XRCC4: variants seen among roughly 807,000 people sequenced by gnomAD.
The protein encoded by XRCC4 is DNA repair protein XRCC4.
In XRCC4, 28 loss-of-function variants were observed where a neutral mutation model predicts 39.1. The observed-to-expected ratio is 0.72, with a 90% CI of 0.53 to 0.98. The LOEUF is 0.98. XRCC4 is among the 50% of genes least tolerant of loss of function. XRCC4 has a pLI of 0.00. For synonymous variants in XRCC4, 123 were observed against 126.4 expected, an observed-to-expected ratio of 0.97 and a Z score of 0.18; for missense variants, 350 against 376.4, an observed-to-expected ratio of 0.93 and a Z score of 0.58.
the XRCC4 span, among the ~76,000 whole-genome samples, chr5:83,360,688 T>C: frequency 6.6e-6 from 1 of 152,160 alleles, no homozygotes; most frequent in Non-Finnish European, 1.5e-5. Flanking sequence ...CCTGGGCTTC[T>C]GAAGAGTTAC....
At chr5:83,256,362 C>G (rs185910259) in intron 6 of XRCC4, among the ~76,000 whole-genome samples, 1 of 152,274 alleles carries the variant, frequency 6.6e-6, no homozygotes, top group Non-Finnish European at 1.5e-5. Context: ...ATTTGTAAGA[C>G]ATCATTTGGA....
intron 1 of XRCC4, among the ~76,000 whole-genome samples, chr5:83,078,692 T>G (rs1276316982): frequency 2.0e-5 from 3 of 152,248 alleles, no homozygotes; most frequent in African/African-American, 7.2e-5. Context: ...GTTGGTCAAA[T>G]ACACAAATTA....
chr5:83,223,560 G>A (rs1752170032), intron 6 of XRCC4, among the ~76,000 whole-genome samples: 2 of 149,968 alleles, frequency 1.3e-5, no homozygotes, highest in South Asian at 4.2e-4. Flanking sequence ...CCTGGTTTTG[G>A]TCACCATTTG....
intron 7 of XRCC4, among the ~76,000 whole-genome samples, chr5:83,337,740 C>A (rs1281583780): frequency 6.6e-6 from 1 of 152,154 alleles, no homozygotes; most frequent in African/African-American, 2.4e-5. Context: ...TTATTTTATG[C>A]CACTAAGTTT....
chr5:83,204,415 C>T (rs568075477), intron 5 of XRCC4, among the ~76,000 whole-genome samples: 67 of 152,128 alleles, frequency 4.4e-4, no homozygotes, highest in Admixed American at 7.2e-4. Context: ...ACTTTATCTT[C>T]ATAATAAAGG....
At chr5:83,316,429 C>T (rs910262436) in intron 7 of XRCC4, among the ~76,000 whole-genome samples, 4 of 151,228 alleles carry the variant, frequency 2.6e-5, no homozygotes, top group African/African-American at 9.7e-5. Context: ...AGAGTCAAGA[C>T]CCATCAGTGT....
intron 7 of XRCC4, among the ~76,000 whole-genome samples, chr5:83,261,320 T>C (rs1381284125): frequency 1.3e-5 from 2 of 152,094 alleles, no homozygotes; most frequent in African/African-American, 2.4e-5. Context: ...TTTTTTTCTC[T>C]GACAGCTTGT....
intron 6 of XRCC4, among the ~76,000 whole-genome samples, chr5:83,255,940 T>C (rs1021052117): frequency 6.6e-6 from 1 of 152,196 alleles, no homozygotes; most frequent in Non-Finnish European, 1.5e-5. Flanking sequence ...TTACACCTTG[T>C]CCATAAAATG....
intron 6 of XRCC4, among the ~76,000 whole-genome samples, chr5:83,236,715 G>T (rs552712325): frequency 6.6e-6 from 1 of 151,660 alleles, no homozygotes; most frequent in South Asian, 2.1e-4. Flanking sequence ...GGACAAATGG[G>T]ATCACATCAA....
chr5:83,087,489 C>A (rs1342932578), intron 1 of XRCC4, among the ~76,000 whole-genome samples: 2 of 151,536 alleles, frequency 1.3e-5, no homozygotes, highest in African/African-American at 4.9e-5. Flanking sequence ...ATAGTGAAAC[C>A]CCATCTCTAC....
intron 3 of XRCC4, among the ~76,000 whole-genome samples, chr5:83,165,906 G>A (rs1749447958): frequency 8.6e-6 from 1 of 116,834 alleles, no homozygotes; most frequent in South Asian, 2.6e-4. Flanking sequence ...TTTTTTTTGA[G>A]ATGGAGTCTT....
intron 7 of XRCC4, among the ~76,000 whole-genome samples, chr5:83,269,724 G>A (rs184493120): frequency 4.0e-5 from 6 of 151,734 alleles, no homozygotes; most frequent in East Asian, 3.9e-4. Context: ...TGTATAATAC[G>A]GGAAAGAAAA....
intron 3 of XRCC4, among the ~76,000 whole-genome samples, chr5:83,129,318 C>G (rs1747439498): frequency 6.6e-6 from 1 of 151,412 alleles, no homozygotes; most frequent in Admixed American, 6.6e-5. Context: ...GGGCTCTGTT[C>G]TGTTCCATTG....
intron 7 of XRCC4, among the ~76,000 whole-genome samples, chr5:83,322,484 C>T (rs1580510833): frequency 6.6e-6 from 1 of 152,166 alleles, no homozygotes; most frequent in African/African-American, 2.4e-5. Flanking sequence ...GCTGAATAAC[C>T]ACTCCCTCCA....
chr5:83,129,881 G>A (rs1161042042), intron 3 of XRCC4, among the ~76,000 whole-genome samples: 1 of 152,106 alleles, frequency 6.6e-6, no homozygotes, highest in South Asian at 2.1e-4. Context: ...AGATGATGGG[G>A]TTTTCTAAAT....
intron 7 of XRCC4, among the ~76,000 whole-genome samples, chr5:83,278,973 C>A (rs1280688268): frequency 6.9e-6 from 1 of 144,124 alleles, no homozygotes; most frequent in Non-Finnish European, 1.5e-5. Context: ...TCCACTCCAG[C>A]CTGGGCGGCA....
intron 6 of XRCC4, among the ~76,000 whole-genome samples, chr5:83,212,925 T>TA (rs777025309): frequency 0.044 from 2,703 of 61,278 alleles, 114 homozygotes; most frequent in African/African-American, 0.14. Flanking sequence ...AGATTCCATC[T>TA]AAAAAAAAAA....
intron 1 of XRCC4, among the ~76,000 whole-genome samples, chr5:83,083,137 CCT>C (rs377301968): frequency 2.3e-3 from 344 of 152,228 alleles, no homozygotes; most frequent in African/African-American, 8.0e-3. Flanking sequence ...TCTCCTCCAC[CCT>C]GTTTTATCTC....
intron 1 of XRCC4, among the ~76,000 whole-genome samples, chr5:83,079,986 C>T (rs1744862650): frequency 6.6e-6 from 1 of 152,166 alleles, no homozygotes; most frequent in African/African-American, 2.4e-5. Context: ...ATGAGGATTA[C>T]ATGAGTTATT....
Sources: allele counts gnomAD v4.1 joint callset (sites outside exome capture counted in the v4.1 genomes callset), GRCh38; gene constraint gnomAD v4.1.1; transcripts MANE v1.5; gene names NCBI Gene and HGNC (gene_info 2026-07-23, HGNC 2026-07-21).